The following TBL1X variants were observed in gnomAD, a reference collection of about 807,000 sequenced individuals.
TBL1X encodes transducin beta like 1 X-linked.
In TBL1X, 10 loss-of-function variants were observed where a neutral mutation model predicts 50.7. That is an observed-to-expected ratio of 0.20 (90% CI 0.12 to 0.33). The LOEUF is 0.33. TBL1X is among the 10% of genes least tolerant of loss of function. TBL1X has a pLI of 1.00. For synonymous variants in TBL1X, 190 were observed against 214.7 expected (o/e 0.88, Z 1.01); for missense variants, 340 against 504.4 (o/e 0.67, Z 3.12).
chrX:9,608,383 T>G (rs2082594752), intron 2 of TBL1X, among the ~76,000 whole-genome samples: 1 of 111,784 alleles, frequency 8.9e-6, no homozygotes, highest in Non-Finnish European at 1.9e-5. Context: ...TCCTGGAGGT[T>G]GTTTATTTCG....
chrX:9,565,128 C>T (rs193226752), intron 2 of TBL1X, among the ~76,000 whole-genome samples: 1,374 of 107,740 alleles, frequency 0.013, 22 homozygotes, highest in African/African-American at 0.044. Flanking sequence ...AAAAATTAGC[C>T]GGGCGTGGTG....
At chrX:9,565,605 C>T (rs1017544084) in intron 2 of TBL1X, among the ~76,000 whole-genome samples, 2 of 110,989 alleles carry the variant, frequency 1.8e-5, no homozygotes, top group Non-Finnish European at 3.8e-5. Context: ...GAAGCGGGAA[C>T]GTCACTAGAG....
intron 1 of TBL1X, among the ~76,000 whole-genome samples, chrX:9,470,961 C>G (rs1241290342): frequency 8.9e-6 from 1 of 112,224 alleles, no homozygotes; most frequent in Non-Finnish European, 1.9e-5. Flanking sequence ...GGATGTTACC[C>G]TCACCTTTAT....
At chrX:9,597,573 G>C (rs1367162502) in intron 2 of TBL1X, among the ~76,000 whole-genome samples, 1 of 112,619 alleles carries the variant, frequency 8.9e-6, no homozygotes, top group Non-Finnish European at 1.9e-5. Flanking sequence ...CCACTGGCCA[G>C]ACTGGATTCT....
chrX:9,606,691 TAAAA>T (rs1298163287), intron 2 of TBL1X, among the ~76,000 whole-genome samples: 2 of 110,738 alleles, frequency 1.8e-5, no homozygotes, highest in South Asian at 7.6e-4. Flanking sequence ...AAATAAATAA[TAAAA>T]AAAGAATGAA....
intron 2 of TBL1X, among the ~76,000 whole-genome samples, chrX:9,552,878 C>T (rs748681089): frequency 2.7e-5 from 3 of 112,023 alleles, no homozygotes; most frequent in Non-Finnish European, 3.8e-5. Flanking sequence ...GCCAGGGGCT[C>T]ATGCCTGTAA....
At chrX:9,575,774 T>A (rs2082408533) in intron 2 of TBL1X, among the ~76,000 whole-genome samples, 1 of 112,051 alleles carries the variant, frequency 8.9e-6, no homozygotes, top group Non-Finnish European at 1.9e-5. Flanking sequence ...CTATATTAAG[T>A]TGGGTGAGGA....
rs751474739 is a variant in TBL1X, at chrX:9,716,292, G to A, written c.*46G>A. 58 of 1,167,933 alleles carry A rather than the reference G, an allele frequency of 5.0e-5. No homozygotes were observed. The highest frequency in any genetic ancestry group is 6.6e-5 in the Non-Finnish European group (57 of 862,688). On this transcript the variant is annotated 3_prime_UTR_variant, in exon 18 of 18. Coordinates refer to ENST00000645353, the MANE Select transcript of TBL1X (RefSeq NM_005647.4). ...AAGAAAAGAATTCTAATGACCAGCCGTGAATGTGTAGGGTTGCAGCTCTAT... is the reference window on the plus strand; with the variant it reads ...AAGAAAAGAATTCTAATGACCAGCCATGAATGTGTAGGGTTGCAGCTCTAT...
intron 2 of TBL1X, chrX:9,637,747 C>T (rs1183617998): frequency 9.0e-6 from 1 of 111,332 alleles, no homozygotes; most frequent in Non-Finnish European, 1.9e-5. Flanking sequence ...GTCAAATCCC[C>T]AAGAGCATCG....
rs1555899124 is a variant in TBL1X, at chrX:9,600,475, G to GA, written c.-130-39798_-130-39797insA. ...AACATAGGAATTTGGTGGGCGGGGG[G>GA]GGGGGTACACAAATGTCCGGACCAT... is the stretch of plus-strand genomic sequence containing the variant. On this transcript the variant is annotated intron_variant, in intron 2 of 17. Coordinates refer to ENST00000645353, the MANE Select transcript of TBL1X (RefSeq NM_005647.4). Among the ~76,000 whole-genome samples, 11 of 73,699 alleles carry GA rather than the reference G, an allele frequency of 1.5e-4. 1 individual carries two copies. In the South Asian group the frequency reaches 2.9e-3, roughly 20 times the overall value. The allele number at this position is 73,699 out of a possible 115,157, so 64.0% of individuals were successfully genotyped here.
intron 2 of TBL1X, among the ~76,000 whole-genome samples, chrX:9,622,049 C>T (rs1234557580): frequency 1.8e-5 from 2 of 110,493 alleles, no homozygotes; most frequent in Non-Finnish European, 3.8e-5. Flanking sequence ...ACAAACTGGT[C>T]GATGCTCATT....
At chrX:9,684,313 A>G (rs1025284847) in intron 6 of TBL1X, 125 bp downstream of exon 6, 2 of 961,018 alleles carry the variant, frequency 2.1e-6, no homozygotes, top group African/African-American at 3.9e-5. Context: ...GGCAGGGTGC[A>G]GTGGCTCATG....
intron 2 of TBL1X, among the ~76,000 whole-genome samples, chrX:9,539,293 A>T (rs2082203996): frequency 9.0e-6 from 1 of 111,340 alleles, no homozygotes; most frequent in Admixed American, 9.5e-5. Flanking sequence ...TGTCACCACC[A>T]TTTTGCATAG....
At chrX:9,601,579 T>A (rs748371057) in intron 2 of TBL1X, among the ~76,000 whole-genome samples, 1 of 111,178 alleles carries the variant, frequency 9.0e-6, no homozygotes, top group Non-Finnish European at 1.9e-5. Flanking sequence ...ATTTTACATT[T>A]CTGGGATCCC....
intron 2 of TBL1X, among the ~76,000 whole-genome samples, chrX:9,598,414 G>T (rs1324991308): frequency 8.9e-6 from 1 of 111,749 alleles, no homozygotes; most frequent in African/African-American, 3.3e-5. Context: ...AAATGAAAAG[G>T]CCTGACCTCT....
At position 9,709,839 on chromosome X, in the gene TBL1X, A is replaced by G. The variant is rs1202793235; in HGVS notation, c.1439+79A>G. ...AAATTCTGCTAAAGCGCGTCCATGC[A>G]CGTGTGTTGAAGCCCTTCAGAGGAA... On this transcript the variant is annotated intron_variant, in intron 15 of 17. Coordinates refer to ENST00000645353, the MANE Select transcript of TBL1X (RefSeq NM_005647.4). 3.5e-6 allele frequency: 4 copies of G among 1,141,734 alleles called. No homozygotes were observed. In the African/African-American group the frequency reaches 5.3e-5, roughly 15 times the overall value. 94.1% of individuals were successfully genotyped at this position (1,141,734 alleles called of 1,213,427 possible).
intron 3 of TBL1X, chrX:9,645,477 A>G (rs1410191132): frequency 8.9e-6 from 1 of 112,118 alleles, no homozygotes. Context: ...GTCCCCTGTC[A>G]TGGACATTGC....
intron 1 of TBL1X, among the ~76,000 whole-genome samples, chrX:9,488,198 G>T (rs1434808599): frequency 3.6e-5 from 4 of 112,177 alleles, no homozygotes; most frequent in Non-Finnish European, 7.5e-5. Context: ...GTCCTACTGT[G>T]ACAAGTGACT....
rs756516340 is a variant in TBL1X, at chrX:9,474,796, A to G, written c.-201+9349A>G. Among the ~76,000 whole-genome samples, 6 of 113,071 alleles carry G rather than the reference A, an allele frequency of 5.3e-5. No individual in the cohort carries two copies. The South Asian group carries it at 2.2e-3, about 41-fold the overall frequency. On this transcript the variant is annotated intron_variant, in intron 1 of 17. Transcript: ENST00000645353. ...GCTGCAGAAATGGTTCAGAATTTCA[A>G]AGACATCAACGTGAGATTGTACTGG...
Sources: gnomAD v4.1 joint callset for allele counts (sites outside exome capture counted in the v4.1 genomes callset) on GRCh38, gnomAD v4.1.1 for gene constraint, MANE v1.5 for transcripts, NCBI Gene and HGNC (gene_info 2026-07-23, HGNC 2026-07-21) for gene names.